The following ADAM12 variants were observed in gnomAD, a reference collection of about 807,000 sequenced individuals.
ADAM12 encodes disintegrin and metalloproteinase domain-containing protein 12.
ADAM12 carries 70 observed loss-of-function variants against 106.4 expected under a neutral mutation model. The ratio of observed to expected loss-of-function variants is 0.66; its 90% CI spans 0.54 to 0.80. ADAM12 has a LOEUF of 0.80. Ranked by LOEUF, ADAM12 falls within the 30% of genes least tolerant of loss-of-function variation. The pLI, the probability that ADAM12 is intolerant of heterozygous loss-of-function variation, is 0.00. For synonymous variants in ADAM12, 420 were observed against 433.5 expected (o/e 0.97, Z 0.39); for missense variants, 1,010 against 1,171.9 (o/e 0.86, Z 2.02).
chr10:126,383,962 A>C (rs1018523171), intron 1 of ADAM12, among the ~76,000 whole-genome samples: 2 of 152,008 alleles, frequency 1.3e-5, no homozygotes, highest in Admixed American at 6.5e-5. Flanking sequence ...TATCTAAGAC[A>C]AAATCTACTA....
intron 2 of ADAM12, among the ~76,000 whole-genome samples, chr10:126,299,377 T>C (rs1960518814): frequency 6.6e-6 from 1 of 152,200 alleles, no homozygotes; most frequent in Admixed American, 6.5e-5. Context: ...TGAGCATCTA[T>C]TATGGGCAAG....
At chr10:126,155,413 T>C (rs1306014029) in intron 3 of ADAM12, 108 bp from the exon 4 acceptor site, 6 of 1,006,480 alleles carry the variant, frequency 6.0e-6, no homozygotes, top group East Asian at 2.6e-5. Flanking sequence ...CCTTTTTTTT[T>C]TTTTAACAGA....
Position 126,268,440 on chromosome 10 carries a change from G to A in ADAM12, c.260+10475C>T, listed in dbSNP as rs1221376910. Among the ~76,000 whole-genome samples the A allele has an allele frequency of 2.6e-5, 4 of 152,256 alleles. No individual in the cohort carries two copies. In the South Asian group the frequency reaches 8.3e-4, roughly 32 times the overall value. The stretch of plus-strand genomic sequence containing the variant: ...GAATGCCGCTGCCACGAATGTGGGT[G>A]TACAAATCTCTCTGTAAGTCCCTGA... On this transcript the variant is annotated intron_variant, in intron 3 of 22. Transcript: ENST00000448723.
At chr10:126,193,910 A>AAATAAAATAG (rs1957549957) in intron 3 of ADAM12, among the ~76,000 whole-genome samples, 2 of 105,448 alleles carry the variant, frequency 1.9e-5, no homozygotes, top group Non-Finnish European at 3.1e-5. Context: ...AAATGAAATA[A>AAATAAAATAG]AATAAAATAA....
At chr10:126,098,567 A>C in intron 9 of ADAM12, 67 bp from the exon 10 acceptor site, 1 of 1,327,522 alleles carries the variant, frequency 7.5e-7, no homozygotes, top group South Asian at 1.2e-5. Context: ...ATATTTAAAA[A>C]TTCTGTTGGA....
At chr10:126,057,170 A>T (rs531837709) in intron 14 of ADAM12, among the ~76,000 whole-genome samples, 2 of 45,438 alleles carry the variant, frequency 4.4e-5, no homozygotes, top group South Asian at 1.2e-3. Context: ...GATATCTCAT[A>T]GTGGTTTTGA....
chr10:126,181,799 C>T (rs1341598539), intron 3 of ADAM12, among the ~76,000 whole-genome samples: 1 of 152,208 alleles, frequency 6.6e-6, no homozygotes, highest in African/African-American at 2.4e-5. Flanking sequence ...CAGCTGTTGA[C>T]AGTCAGAAGA....
chr10:126,041,974 T>C, intron 18 of ADAM12: 5 of 1,431,060 alleles, frequency 3.5e-6, no homozygotes, highest in South Asian at 1.5e-5. Context: ...CCTGGTAGGC[T>C]GGACTTCCCC....
chr10:126,100,552 A>C (rs1001491833), intron 9 of ADAM12, among the ~76,000 whole-genome samples: 2 of 151,334 alleles, frequency 1.3e-5, no homozygotes, highest in Non-Finnish European at 2.9e-5. Context: ...AAAAAAAAAA[A>C]AAAAATACAA....
intron 3 of ADAM12, among the ~76,000 whole-genome samples, chr10:126,205,319 T>C (rs1248248327): frequency 9.7e-6 from 1 of 103,492 alleles, no homozygotes; most frequent in Non-Finnish European, 2.0e-5. Flanking sequence ...AAAAGAATTC[T>C]GAAAGTATGT....
intron 1 of ADAM12, among the ~76,000 whole-genome samples, chr10:126,385,786 T>A (rs541535116): frequency 6.6e-6 from 1 of 152,150 alleles, no homozygotes; most frequent in South Asian, 2.1e-4. Context: ...AGGAATTAGG[T>A]CATGCTGAGG....
intron 2 of ADAM12, among the ~76,000 whole-genome samples, chr10:126,308,691 G>A (rs932749655): frequency 6.6e-6 from 1 of 152,132 alleles, no homozygotes; most frequent in Non-Finnish European, 1.5e-5. Context: ...CTATATCTTA[G>A]AAGTTTAAAA....
chr10:126,075,027 G>A (rs1056191842), intron 11 of ADAM12, among the ~76,000 whole-genome samples: 25 of 152,132 alleles, frequency 1.6e-4, no homozygotes, highest in Admixed American at 1.1e-3. Flanking sequence ...TTGCTCAGGC[G>A]ACCCAGCAAG....
rs1953664044 is a variant in ADAM12, at chr10:126,016,497, G to T, written c.*782C>A. ...TGGTGGCAGTGCTCTAGAAAGGACA[G>T]CGAGAAAAAGAAGTGCTTGGCATTT... On this transcript the variant is annotated 3_prime_UTR_variant, in exon 23 of 23. Coordinates refer to ENST00000448723, the MANE Select transcript of ADAM12 (RefSeq NM_001288973.2). The T allele has an allele frequency of 6.6e-6, 1 of 152,202 alleles. No homozygotes were observed. The highest frequency in any genetic ancestry group is 6.5e-5 in the Admixed American group (1 of 15,286). The allele number at this position is 152,202 out of a possible 1,614,324, so 9.4% of individuals were successfully genotyped here. A position where few individuals can be genotyped will look rare whatever the true frequency, so the allele number is the denominator to read the frequency against.
chr10:126,340,720 G>GTTT lies in ADAM12; in HGVS notation c.89-10214_89-10212dup, dbSNP rs34179311. Among the ~76,000 whole-genome samples the GTTT allele has an allele frequency of 1.4e-3, 195 of 138,822 alleles. 2 individuals carry two copies. Among genetic ancestry groups the GTTT allele is most frequent in the South Asian group, 0.014 (59 of 4,258 alleles). 91.1% of individuals were successfully genotyped at this position (138,822 alleles called of 152,430 possible). ...TCAGCTATGTCCTACCTCGTGGCCT[G>GTTT]TTTTTTTTTTTTTTTGAGGTGGAGT... On this transcript the variant is annotated intron_variant, in intron 1 of 22. Transcript: ENST00000448723.
At chr10:126,239,468 G>A (rs749223000) in intron 3 of ADAM12, among the ~76,000 whole-genome samples, 6 of 152,174 alleles carry the variant, frequency 3.9e-5, no homozygotes, top group Admixed American at 2.6e-4. Context: ...ACTTTCTGGA[G>A]TACTTGGGGG....
At chr10:126,036,764 C>G (rs1200149461) in intron 20 of ADAM12, among the ~76,000 whole-genome samples, 2 of 152,148 alleles carry the variant, frequency 1.3e-5, no homozygotes, top group African/African-American at 4.8e-5. Context: ...GAAGCCAGGG[C>G]TGAGGTTGGG....
intron 1 of ADAM12, among the ~76,000 whole-genome samples, chr10:126,356,488 T>C (rs1366176120): frequency 1.3e-5 from 2 of 152,136 alleles, no homozygotes; most frequent in East Asian, 3.9e-4. Context: ...GACTAAATAG[T>C]AAAGGTGTAT....
chr10:126,357,797 T>C (rs1263239313), intron 1 of ADAM12, among the ~76,000 whole-genome samples: 2 of 152,068 alleles, frequency 1.3e-5, no homozygotes, highest in African/African-American at 4.8e-5. Flanking sequence ...ATGATTCAAT[T>C]ACCTCCCACC....
Sources: gnomAD v4.1 joint callset for allele counts (sites outside exome capture counted in the v4.1 genomes callset) on GRCh38, gnomAD v4.1.1 for gene constraint, MANE v1.5 for transcripts, NCBI Gene and HGNC (gene_info 2026-07-23, HGNC 2026-07-21) for gene names.